The following BICC1 variants were observed in gnomAD, a reference collection of about 807,000 sequenced individuals.
The protein encoded by BICC1 is protein bicaudal C homolog 1.
A neutral mutation model predicts 111.0 loss-of-function variants in BICC1; 43 were observed. That is an observed-to-expected ratio of 0.39 (90% CI 0.30 to 0.50). BICC1 has a LOEUF of 0.50. Among genes scored for constraint, BICC1 ranks in the 20% least tolerant of loss-of-function variants. The probability of loss-of-function intolerance (pLI) is 0.88; values close to 1 mark genes in which losing one functional copy is unlikely to be tolerated. For missense variants in BICC1, 1,091 were observed against 1,203.2 expected (o/e 0.91, Z 1.38); for synonymous variants, 467 against 434.4 (o/e 1.07, Z -0.93).
At chr10:58,542,150 C>CAAAAAAAAAAAAAA (rs149049552) in intron 1 of BICC1, among the ~76,000 whole-genome samples, 1 of 82,348 alleles carries the variant, frequency 1.2e-5, no homozygotes, top group Non-Finnish European at 2.2e-5. Context: ...GACCCTGTCT[C>CAAAAAAAAAAAAAA]AAAAAAAAAA....
chr10:58,804,631 A>G (rs1465262910), intron 15 of BICC1, among the ~76,000 whole-genome samples: 4 of 152,322 alleles, frequency 2.6e-5, no homozygotes, highest in African/African-American at 9.6e-5. Flanking sequence ...CCCCTTTATA[A>G]TCTTTTGATG....
chr10:58,702,923 A>G (rs1401256729), intron 3 of BICC1, among the ~76,000 whole-genome samples: 3 of 152,128 alleles, frequency 2.0e-5, no homozygotes, highest in African/African-American at 7.2e-5. Context: ...ATGGTCTGGC[A>G]TTGTTATTGC....
intron 2 of BICC1, among the ~76,000 whole-genome samples, chr10:58,657,316 A>G (rs116070668): frequency 0.021 from 3,191 of 152,300 alleles, 111 homozygotes; most frequent in African/African-American, 0.072. Flanking sequence ...GTCTGCATGC[A>G]TCACTGCTCT....
intron 1 of BICC1, among the ~76,000 whole-genome samples, chr10:58,514,327 G>C (rs548732636): frequency 5.3e-5 from 8 of 152,318 alleles, no homozygotes; most frequent in South Asian, 2.1e-4. Flanking sequence ...TTAGGGCGCT[G>C]GTGAAGATTC....
At chr10:58,556,707 A>C (rs1490163255) in intron 1 of BICC1, among the ~76,000 whole-genome samples, 1 of 152,096 alleles carries the variant, frequency 6.6e-6, no homozygotes, top group East Asian at 1.9e-4. Context: ...AGTGATTAAG[A>C]AGAAAACAAT....
At chr10:58,611,579 G>T (rs1328408834) in intron 1 of BICC1, among the ~76,000 whole-genome samples, 2 of 151,526 alleles carry the variant, frequency 1.3e-5, no homozygotes, top group Admixed American at 6.6e-5. Context: ...AGGTTCAAGA[G>T]ATTCTCCTGT....
chr10:58,644,310 A>G (rs746534258), intron 2 of BICC1, among the ~76,000 whole-genome samples: 1 of 152,190 alleles, frequency 6.6e-6, no homozygotes, highest in African/African-American at 2.4e-5. Context: ...TGGCTCAAAG[A>G]CTTTGACTGA....
chr10:58,813,963 C>T lies in BICC1; in HGVS notation c.2510C>T (p.Pro837Leu), dbSNP rs1445673888. Residue 837 changes from proline to leucine, a missense_variant, in exon 18 of 21, where the codon CCT (proline) becomes CTT (leucine). By Grantham distance (98) the Pro-to-Leu change is moderately conservative. Around this residue, in one of 3 missense-constraint regions of BICC1, gnomAD observed 231 missense variants for 256.2 expected, o/e 0.90. Transcript: ENST00000373886. ...GAATTTGCAGCTTCTATTGGCAGCCCTAAGCGTAAACAAAACAAATCAAGT... is the reference window on the plus strand; with the variant it reads ...GAATTTGCAGCTTCTATTGGCAGCCTTAAGCGTAAACAAAACAAATCAAGT... ...HSEFAASIGS[P>L]KRKQNKSTEH... is the part of the protein sequence containing the mutation. The T allele has an allele frequency of 1.2e-6, 2 of 1,614,024 alleles. No individual in the cohort carries two copies. The highest frequency in any genetic ancestry group is 2.2e-5 in the South Asian group (2 of 91,088).
chr10:58,621,484 A>T (rs1388660748), intron 2 of BICC1, among the ~76,000 whole-genome samples: 2 of 150,386 alleles, frequency 1.3e-5, no homozygotes, highest in Non-Finnish European at 3.0e-5. Flanking sequence ...CCCTGGCCTT[A>T]GCTGGGGCAG....
chr10:58,732,250 C>T (rs991816165), intron 3 of BICC1, among the ~76,000 whole-genome samples: 10 of 128,364 alleles, frequency 7.8e-5, no homozygotes, highest in Admixed American at 1.6e-4. Context: ...CCCAAGGCGG[C>T]GGGTGGGGAT....
At chr10:58,544,405 T>C (rs1589082299) in intron 1 of BICC1, among the ~76,000 whole-genome samples, 1 of 152,194 alleles carries the variant, frequency 6.6e-6, no homozygotes, top group African/African-American at 2.4e-5. Context: ...TTGGCTCAGC[T>C]ACTAAATTAA....
chr10:58,639,703 C>T (rs1838064629), intron 2 of BICC1, among the ~76,000 whole-genome samples: 1 of 148,228 alleles, frequency 6.7e-6, no homozygotes, highest in Admixed American at 6.8e-5. Flanking sequence ...AGGTATGAGC[C>T]ACTGTGCCCG....
At chr10:58,686,081 A>G (rs1366665126) in intron 2 of BICC1, among the ~76,000 whole-genome samples, 2 of 152,112 alleles carry the variant, frequency 1.3e-5, no homozygotes, top group Non-Finnish European at 2.9e-5. Flanking sequence ...ATCTCTCAGC[A>G]TTTGTTTGTC....
chr10:58,563,338 C>T (rs1241804764), intron 1 of BICC1, among the ~76,000 whole-genome samples: 8 of 152,072 alleles, frequency 5.3e-5, no homozygotes, highest in African/African-American at 1.4e-4. Flanking sequence ...CTCCCTGTAC[C>T]CTGACTAAAG....
chr10:58,580,936 G>A (rs1302989449), intron 1 of BICC1, among the ~76,000 whole-genome samples: 2 of 152,098 alleles, frequency 1.3e-5, no homozygotes, highest in African/African-American at 4.8e-5. Flanking sequence ...AAAATTATGT[G>A]ACAACCTTTG....
intron 2 of BICC1, among the ~76,000 whole-genome samples, chr10:58,634,734 A>G (rs1837903708): frequency 1.3e-5 from 2 of 152,178 alleles, no homozygotes; most frequent in African/African-American, 2.4e-5. Flanking sequence ...TCTCTCCCCA[A>G]AAGCTGAACT....
At chr10:58,609,452 G>A (rs886498865) in intron 1 of BICC1, among the ~76,000 whole-genome samples, 11 of 152,066 alleles carry the variant, frequency 7.2e-5, no homozygotes, top group Non-Finnish European at 1.5e-4. Flanking sequence ...TCCCTATAGC[G>A]GTGCTGTACA....
At chr10:58,577,493 A>G (rs1479013738) in intron 1 of BICC1, among the ~76,000 whole-genome samples, 1 of 152,198 alleles carries the variant, frequency 6.6e-6, no homozygotes, top group Non-Finnish European at 1.5e-5. Flanking sequence ...CAGATAAAGA[A>G]TATGGAAGAC....
At chr10:58,806,744 G>A in intron 16 of BICC1, 121 bp downstream of exon 16, 2 of 947,774 alleles carry the variant, frequency 2.1e-6, no homozygotes, top group Non-Finnish European at 3.2e-6. Flanking sequence ...GAATATTTGG[G>A]TTCAAGTTGC....
Sources: gnomAD v4.1 joint callset for allele counts (sites outside exome capture counted in the v4.1 genomes callset) on GRCh38, gnomAD v4.1.1 for gene constraint, gnomAD v4.1.1 regional missense constraint, MANE v1.5 for transcripts, NCBI Gene and HGNC (gene_info 2026-07-23, HGNC 2026-07-21) for gene names.